Variants in NBR1 observed in about 807,000 individuals in gnomAD.
The protein encoded by NBR1 is next to BRCA1 gene 1 protein.
Under a neutral mutation model 115.5 loss-of-function variants are expected in NBR1, and 59 were observed. The observed-to-expected ratio is 0.51, with a 90% CI of 0.41 to 0.63. The LOEUF (loss-of-function observed/expected upper bound fraction) is 0.63, where lower values mean the gene tolerates loss of function less well. Among genes scored for constraint, NBR1 ranks in the 30% least tolerant of loss-of-function variants. NBR1 has a pLI of 0.00. For synonymous variants in NBR1, 373 were observed against 414.7 expected, an observed-to-expected ratio of 0.90 and a Z score of 1.22; for missense variants, 1,043 against 1,150.5, an observed-to-expected ratio of 0.91 and a Z score of 1.35.
At chr17:43,202,555 G>T in intron 18 of NBR1, 100 bp from the exon 19 acceptor site, 14 of 681,584 alleles carry the variant, frequency 2.1e-5, no homozygotes, top group Non-Finnish European at 3.4e-5. Context: ...CAAACACTGT[G>T]ATCAGATTGC....
chr17:43,189,115 A>G lies in NBR1; in HGVS notation c.476A>G (p.Glu159Gly), dbSNP rs368328329. ...KPPDWFTSYL[E>G]TFREQVVNET... ...CCAGACTGGTTCACAAGCTACCTGG[A>G]GACGGTGAGTGTTCTGTCTCGCTTG... Residue 159 changes from glutamate to glycine, a missense_variant, in exon 7 of 21, where the codon GAG (glutamate) becomes GGG (glycine). Glu to Gly is a moderately conservative substitution (Grantham distance 98). Transcript: ENST00000590996. 1.0e-5 allele frequency: 16 copies of G among 1,606,990 alleles called. No homozygotes were observed. Among genetic ancestry groups the G allele is most frequent in the African/African-American group, 1.3e-5 (1 of 74,772 alleles).
chr17:43,199,655 G>A (rs1181295560), intron 16 of NBR1, among the ~76,000 whole-genome samples: 2 of 151,902 alleles, frequency 1.3e-5, no homozygotes, highest in East Asian at 1.9e-4. Flanking sequence ...GATTACAAGC[G>A]TGAGCCACCG....
chr17:43,172,827 T>A (rs1177034312), intron 1 of NBR1, among the ~76,000 whole-genome samples: 1 of 152,076 alleles, frequency 6.6e-6, no homozygotes, highest in African/African-American at 2.4e-5. Flanking sequence ...GGTTTATTAT[T>A]ATTTATTTAT....
At position 43,180,818 on chromosome 17, in the gene NBR1, G is replaced by A; in HGVS notation, c.207+1G>A. On this transcript the variant is annotated splice_donor_variant, in intron 5 of 20. Transcript: ENST00000590996. LOFTEE classifies it high-confidence loss of function. Reference sequence around the variant, plus strand: ...AGGAGAATATGAAGAAGCGCTTAAGGTAATGATTATTTAATCTCATTTTTA... The same window carrying A: ...AGGAGAATATGAAGAAGCGCTTAAGATAATGATTATTTAATCTCATTTTTA... The A allele has an allele frequency of 6.9e-7, 1 of 1,442,700 alleles. No homozygotes were observed. Among genetic ancestry groups the A allele is most frequent in the Admixed American group, 2.5e-5 (1 of 39,760 alleles). 89.4% of individuals were successfully genotyped at this position (1,442,700 alleles called of 1,614,324 possible).
chr17:43,205,519 C>A (rs2057296526), intron 20 of NBR1, among the ~76,000 whole-genome samples: 1 of 151,904 alleles, frequency 6.6e-6, no homozygotes, highest in Admixed American at 6.6e-5. Flanking sequence ...GACAGTGTAG[C>A]CAGTAAAAAA....
intron 17 of NBR1, 33 bp from the exon 18 acceptor site, chr17:43,201,653 C>A: frequency 7.3e-7 from 1 of 1,369,114 alleles, no homozygotes; most frequent in Non-Finnish European, 1.0e-6. Flanking sequence ...AGTGCCTTTT[C>A]AATTTACTTT....
intron 1 of NBR1, among the ~76,000 whole-genome samples, chr17:43,173,868 T>C (rs372929583): frequency 1.9e-5 from 2 of 103,396 alleles, no homozygotes; most frequent in South Asian, 3.5e-4. Context: ...TGTAAATCCC[T>C]GGGACTTAAT....
intron 5 of NBR1, among the ~76,000 whole-genome samples, chr17:43,181,925 A>G (rs1429907192): frequency 2.0e-5 from 3 of 149,842 alleles, no homozygotes; most frequent in Admixed American, 2.0e-4. Context: ...CAGAGGTTAC[A>G]GTGAGCTGAG....
chr17:43,199,087 ATTT>A (rs34915678), intron 16 of NBR1, among the ~76,000 whole-genome samples: 1 of 146,398 alleles, frequency 6.8e-6, no homozygotes. Flanking sequence ...TTTATGGGTA[ATTT>A]TTTTTTTTTT....
Position 43,186,282 on chromosome 17 carries a change from G to A in NBR1, c.240G>A (p.Met80Ile), listed in dbSNP as rs1330245243. The A allele has an allele frequency of 1.3e-6, 2 of 1,583,384 alleles. No individual in the cohort carries two copies. The highest frequency in any genetic ancestry group is 1.3e-5 in the African/African-American group (1 of 74,296). Residue 80 changes from methionine (M) to isoleucine (I), a missense_variant, in exon 6 of 21, where the codon ATG becomes ATA. Physicochemically the swap from Met to Ile is conservative, Grantham distance 10 (BLOSUM62 1). Transcript: ENST00000590996. ...TTAAACAGGGAAACCAACTGCAGAT[G>A]CAAGTCCACGAAGGGCACCATGTCG... ...MAVKQGNQLQ[M>I]QVHEGHHVVD...
chr17:43,193,618 G>A lies in NBR1; in HGVS notation c.1504G>A (p.Asp502Asn). ...CATGATCAGCTCAAGCAAAACTGAT[G>A]ATCTCACCTGCCAGCAAGAGGTGAG... is the stretch of plus-strand genomic sequence containing the variant. Reference protein sequence around the residue: ...KGMISSSKTDDLTCQQEETFL... With the variant: ...KGMISSSKTDNLTCQQEETFL... Residue 502 changes from aspartate (D) to asparagine (N), a missense_variant, in exon 12 of 21, where the codon GAT (aspartate) becomes AAT (asparagine). By Grantham distance (23) the Asp-to-Asn change is conservative. Transcript: ENST00000590996. 6.2e-7 allele frequency: 1 copy of A among 1,609,102 alleles called. No homozygotes were observed. The highest frequency in any genetic ancestry group is 8.5e-7 in the Non-Finnish European group (1 of 1,177,708).
rs1334071439 is a variant in NBR1, at chr17:43,210,581, ATGT to A, written c.*512_*514del. On this transcript the variant is annotated 3_prime_UTR_variant, in exon 21 of 21. Transcript: ENST00000590996. ...AAATAACACCCAGAGCATGATAGAA[ATGT>A]TGTTACTCTTCCTCTCTCAAGGAGA... The A allele has an allele frequency of 7.5e-6, 3 of 398,424 alleles. No homozygotes were observed. Among genetic ancestry groups the A allele is most frequent in the Admixed American group, 4.4e-5 (1 of 22,714 alleles). 24.7% of individuals were successfully genotyped at this position (398,424 alleles called of 1,614,324 possible). A position where few individuals can be genotyped will look rare whatever the true frequency, so the allele number is the denominator to read the frequency against.
At chr17:43,204,845 C>T (rs993492378) in intron 20 of NBR1, among the ~76,000 whole-genome samples, 1 of 146,110 alleles carries the variant, frequency 6.8e-6, no homozygotes, top group African/African-American at 2.5e-5. Context: ...TGATGGCATG[C>T]ACCTACAGTC....
At chr17:43,184,862 C>T (rs185450368) in intron 5 of NBR1, among the ~76,000 whole-genome samples, 208 of 151,374 alleles carry the variant, frequency 1.4e-3, no homozygotes, top group African/African-American at 4.8e-3. Flanking sequence ...GAGGCTGAGG[C>T]GGCAGATCAC....
intron 6 of NBR1, among the ~76,000 whole-genome samples, chr17:43,188,064 G>A (rs946366408): frequency 3.3e-5 from 5 of 151,068 alleles, no homozygotes; most frequent in East Asian, 3.9e-4. Context: ...CTATTTTTTT[G>A]TATTTTTAGT....
chr17:43,183,522 C>T (rs935670307), intron 5 of NBR1, among the ~76,000 whole-genome samples: 1 of 151,240 alleles, frequency 6.6e-6, no homozygotes, highest in Admixed American at 6.6e-5. Flanking sequence ...CCCAGCGACA[C>T]GTGTGTCATT....
At chr17:43,190,518 C>G (rs2154582172) in intron 8 of NBR1, 91 bp from the exon 9 acceptor site, 2 of 1,411,430 alleles carry the variant, frequency 1.4e-6, no homozygotes, top group East Asian at 5.0e-5. Flanking sequence ...CTAGTTGGTA[C>G]TGGAGCAAAC....
intron 18 of NBR1, 116 bp from the exon 19 acceptor site, chr17:43,202,539 A>T: frequency 1.6e-6 from 1 of 615,050 alleles, no homozygotes; most frequent in Non-Finnish European, 2.7e-6. Flanking sequence ...AAAAAAAAAA[A>T]GACTTCAAAC....
At chr17:43,179,595 G>C (rs1261350725) in intron 4 of NBR1, among the ~76,000 whole-genome samples, 183 bp downstream of exon 4, 2 of 152,148 alleles carry the variant, frequency 1.3e-5, no homozygotes, top group African/African-American at 4.8e-5. Context: ...TGATGCCTTT[G>C]AATGGACCCT....
Sources: gnomAD v4.1 joint callset for allele counts (sites outside exome capture counted in the v4.1 genomes callset) on GRCh38, gnomAD v4.1.1 for gene constraint, MANE v1.5 for transcripts, NCBI Gene and HGNC (gene_info 2026-07-23, HGNC 2026-07-21) for gene names.